CCDC169: variants seen among roughly 807,000 people sequenced by gnomAD.
CCDC169 encodes coiled-coil domain-containing protein 169.
CCDC169 carries 30 observed loss-of-function variants against 36.0 expected under a neutral mutation model. That is an observed-to-expected ratio of 0.83 (90% CI 0.62 to 1.13). The LOEUF (loss-of-function observed/expected upper bound fraction) is 1.13. Among genes scored for constraint, CCDC169 ranks in the 50% most tolerant of loss-of-function variants. CCDC169 has a pLI of 0.00. For synonymous variants in CCDC169, 85 were observed against 81.5 expected (o/e 1.04, Z -0.23); for missense variants, 245 against 245.9 (o/e 1.00, Z 0.03).
rs975220636 is a variant in CCDC169, at chr13:36,256,832, G to A, written c.316-2689C>T. Among the ~76,000 whole-genome samples the A allele has an allele frequency of 4.6e-5, 7 of 152,182 alleles. No individual in the cohort carries two copies. The East Asian group carries it at 1.2e-3, about 25-fold the overall frequency. ...CTGCATGTCATCTCCTGATCATAAA[G>A]GCCACCACAGCAGCACATGTCTGAT... On this transcript the variant is annotated intron_variant, in intron 4 of 7. Transcript: ENST00000239859.
chr13:36,269,105 A>G (rs1325082869), intron 4 of CCDC169, among the ~76,000 whole-genome samples: 1 of 140,398 alleles, frequency 7.1e-6, no homozygotes, highest in Non-Finnish European at 1.6e-5. Context: ...CTCCAACTCA[A>G]ATAAAAAAAA....
intron 4 of CCDC169, among the ~76,000 whole-genome samples, chr13:36,257,182 T>A (rs1354408637): frequency 2.6e-5 from 4 of 152,194 alleles, no homozygotes; most frequent in Non-Finnish European, 5.9e-5. Context: ...GTGACATTAC[T>A]TATGCAATGC....
At chr13:36,247,620 T>C (rs1872664691) in intron 7 of CCDC169, among the ~76,000 whole-genome samples, 1 of 152,106 alleles carries the variant, frequency 6.6e-6, no homozygotes, top group Non-Finnish European at 1.5e-5. Context: ...AGAACTAGAA[T>C]TAGAAGTAGA....
At chr13:36,242,193 A>C (rs1925839) in intron 7 of CCDC169, among the ~76,000 whole-genome samples, 1 of 152,158 alleles carries the variant, frequency 6.6e-6, no homozygotes, top group African/African-American at 2.4e-5. Flanking sequence ...ACAATATTCC[A>C]AAGTGGTTAT....
intron 4 of CCDC169, chr13:36,282,638 A>T (rs962407721): frequency 1.8e-6 from 1 of 568,182 alleles, no homozygotes; most frequent in African/African-American, 2.0e-5. Context: ...TCAGTCCTTT[A>T]CTGTGGAGAA....
At chr13:36,241,785 A>G (rs1462132545) in intron 7 of CCDC169, among the ~76,000 whole-genome samples, 1 of 152,162 alleles carries the variant, frequency 6.6e-6, no homozygotes, top group Non-Finnish European at 1.5e-5. Flanking sequence ...TAAATATAGA[A>G]AATAATGCTA....
intron 4 of CCDC169, among the ~76,000 whole-genome samples, chr13:36,264,551 G>A (rs990239369): frequency 1.3e-5 from 2 of 152,094 alleles, no homozygotes; most frequent in Non-Finnish European, 1.5e-5. Context: ...ATGAAAATAG[G>A]GACTTAGGAA....
At position 36,290,203 on chromosome 13, in the gene CCDC169, T is replaced by C. The variant is rs1320371498; in HGVS notation, c.163+5575A>G. 2.0e-5 allele frequency among the ~76,000 whole-genome samples: 3 copies of C among 152,136 alleles called. No individual in the cohort carries two copies. In the East Asian group the frequency reaches 5.8e-4, roughly 29 times the overall value. On this transcript the variant is annotated intron_variant, in intron 2 of 7. Coordinates refer to ENST00000239859, the MANE Select transcript of CCDC169 (RefSeq NM_001144981.3). ...ATCTGGGCAAAGATGACAATCATAG[T>C]AAACTACTTTCATGAGACACAGGGA...
intron 4 of CCDC169, chr13:36,274,598 T>C (rs889040175): frequency 1.3e-5 from 2 of 152,182 alleles, no homozygotes; most frequent in African/African-American, 4.8e-5. Context: ...GAAAATCATA[T>C]ACATAAAGCT....
chr13:36,275,140 T>TA (rs1198490223), intron 4 of CCDC169, among the ~76,000 whole-genome samples: 1 of 152,064 alleles, frequency 6.6e-6, no homozygotes, highest in Non-Finnish European at 1.5e-5. Context: ...GTGCTGGGAT[T>TA]ACAGGCGTGA....
At chr13:36,227,889 T>C (rs8002126), downstream of CCDC169, among the ~76,000 whole-genome samples, 61,368 of 152,066 alleles carry the variant, frequency 0.4, 13,193 homozygotes, top group Non-Finnish European at 0.48. Context: ...TTTGCCTATT[T>C]GGGACATTTC....
At position 36,230,903 on chromosome 13, in the gene CCDC169, CAG is replaced by C. The variant is rs1870347717; in HGVS notation, c.*288_*289del. ...CCAAATAGAATAGCAACGTTACTAT[CAG>C]AGCAGATCATGGGTATATTATTGAA... On this transcript the variant is annotated 3_prime_UTR_variant, in exon 8 of 8. Coordinates refer to ENST00000239859, the MANE Select transcript of CCDC169 (RefSeq NM_001144981.3). 1 of 1,063,674 alleles carries C rather than the reference CAG, an allele frequency of 9.4e-7. No homozygotes were observed. The highest frequency in any genetic ancestry group is 4.1e-5 in the South Asian group (1 of 24,354). The allele number at this position is 1,063,674 out of a possible 1,614,324, so 65.9% of individuals were successfully genotyped here. A position where few individuals can be genotyped will look rare whatever the true frequency, so the allele number is the denominator to read the frequency against.
chr13:36,289,907 T>C (rs2138639624), intron 2 of CCDC169, among the ~76,000 whole-genome samples: 1 of 152,328 alleles, frequency 6.6e-6, no homozygotes, highest in South Asian at 2.1e-4. Flanking sequence ...AAATTAAGTC[T>C]CTGGCTTATT....
chr13:36,231,643 T>A (rs899854346), intron 7 of CCDC169, among the ~76,000 whole-genome samples: 3 of 152,174 alleles, frequency 2.0e-5, no homozygotes, highest in Non-Finnish European at 2.9e-5. Context: ...ATTAATGACT[T>A]ATGTGGCACT....
chr13:36,223,818 G>A (rs1260992478), downstream of CCDC169: 1 of 152,042 alleles, frequency 6.6e-6, no homozygotes, highest in African/African-American at 2.4e-5. Flanking sequence ...GTCTAGACAG[G>A]TCCTCACCTG....
At chr13:36,272,645 C>T (rs907637932) in intron 4 of CCDC169, among the ~76,000 whole-genome samples, 6 of 152,132 alleles carry the variant, frequency 3.9e-5, no homozygotes, top group African/African-American at 1.2e-4. Context: ...TCTCCTACCC[C>T]ATAAGGTTTA....
In CCDC169 at chr13:36,254,157, T is replaced by C. The variant is rs1248833056; in HGVS notation, c.316-14A>G. On this transcript the variant is annotated splice_polypyrimidine_tract_variant and intron_variant, in intron 4 of 7. Coordinates refer to ENST00000239859, the MANE Select transcript of CCDC169 (RefSeq NM_001144981.3). ...GTTTAAGGATTCCTAAAAATATAAA[T>C]AGTAAAATTTTATATGTACTCATGT... is the stretch of plus-strand genomic sequence containing the variant. 1.2e-5 allele frequency: 18 copies of C among 1,475,436 alleles called. No individual in the cohort carries two copies. The South Asian group carries it at 2.0e-4, about 16-fold the overall frequency. 91.4% of individuals were successfully genotyped at this position (1,475,436 alleles called of 1,614,324 possible). A position where few individuals can be genotyped will look rare whatever the true frequency, so the allele number is the denominator to read the frequency against.
intron 4 of CCDC169, among the ~76,000 whole-genome samples, chr13:36,273,796 G>A (rs559168732): frequency 3.4e-4 from 52 of 152,118 alleles, no homozygotes; most frequent in Non-Finnish European, 6.2e-4. Flanking sequence ...GTATTAAGAA[G>A]CAGCTTCATA....
At chr13:36,254,729 T>C (rs904271549) in intron 4 of CCDC169, among the ~76,000 whole-genome samples, 4 of 152,184 alleles carry the variant, frequency 2.6e-5, no homozygotes, top group Non-Finnish European at 4.4e-5. Flanking sequence ...TCTATCAAAC[T>C]TCAATAAGGG....
Sources: gnomAD v4.1 joint callset for allele counts (sites outside exome capture counted in the v4.1 genomes callset) on GRCh38, gnomAD v4.1.1 for gene constraint, MANE v1.5 for transcripts, NCBI Gene and HGNC (gene_info 2026-07-23, HGNC 2026-07-21) for gene names.